SHOC1: variants seen among roughly 807,000 people sequenced by gnomAD.
SHOC1 encodes the protein protein shortage in chiasmata 1 ortholog.
A neutral mutation model predicts 179.2 loss-of-function variants in SHOC1; 136 were observed. That is an observed-to-expected ratio of 0.76 (90% CI 0.66 to 0.87). SHOC1 has a LOEUF of 0.87. SHOC1 is among the 40% of genes least tolerant of loss of function. The pLI, the probability that SHOC1 is intolerant of heterozygous loss-of-function variation, is 0.00. For missense variants in SHOC1, 1,538 were observed against 1,700.8 expected, an observed-to-expected ratio of 0.90 and a Z score of 1.68; for synonymous variants, 489 against 586.6, an observed-to-expected ratio of 0.83 and a Z score of 2.41.
intron 4 of SHOC1, 149 bp downstream of exon 4, chr9:111,780,779 TTG>T: frequency 1.9e-6 from 1 of 514,234 alleles, no homozygotes; most frequent in Non-Finnish European, 3.5e-6. Context: ...AACCACTCCT[TTG>T]TGGTTCAAAT....
intron 24 of SHOC1, among the ~76,000 whole-genome samples, chr9:111,699,078 G>A (rs1021067988): frequency 3.3e-5 from 5 of 152,182 alleles, no homozygotes; most frequent in South Asian, 2.1e-4. Context: ...GCTGTATTTC[G>A]GAAATGTAAT....
At chr9:111,689,110 G>C (rs1307291988) in intron 27 of SHOC1, among the ~76,000 whole-genome samples, 2 of 151,988 alleles carry the variant, frequency 1.3e-5, no homozygotes, top group African/African-American at 4.8e-5. Flanking sequence ...GCAGGGTGGG[G>C]TGCAGTAGTT....
intron 5 of SHOC1, among the ~76,000 whole-genome samples, chr9:111,761,936 G>A (rs1454998405): frequency 6.6e-6 from 1 of 152,042 alleles, no homozygotes; most frequent in Non-Finnish European, 1.5e-5. Flanking sequence ...GGCATAAACA[G>A]GGCATTCTCA....
intron 6 of SHOC1, 48 bp downstream of exon 6, chr9:111,758,647 T>C (rs1834988998): frequency 6.7e-7 from 1 of 1,492,520 alleles, no homozygotes. Flanking sequence ...TACTAAAACA[T>C]TTTCACCTCT....
chr9:111,742,763 A>G (rs1834101934), intron 10 of SHOC1, among the ~76,000 whole-genome samples: 1 of 152,204 alleles, frequency 6.6e-6, no homozygotes, highest in South Asian at 2.1e-4. Flanking sequence ...CATCCAGTTT[A>G]CCCACATAAT....
At chr9:111,698,934 C>CAAATCAA (rs1313540228) in intron 24 of SHOC1, among the ~76,000 whole-genome samples, 3 of 152,160 alleles carry the variant, frequency 2.0e-5, no homozygotes, top group Admixed American at 2.0e-4. Context: ...GCAAGAAATT[C>CAAATCAA]AAATCAACAG....
At position 111,694,266 on chromosome 9, in the gene SHOC1, A is replaced by G. The variant is rs1199868797; in HGVS notation, c.3280T>C (p.Leu1094=). The change falls in exon 25 of 28, where the codon TTG becomes CTG. Residue 1094 remains leucine (L), a synonymous_variant. Transcript: ENST00000682961. ...MTSKRDPHEW[L]DKSWLKVSPS... is the part of the protein sequence containing the mutation. ...GAAACTTTAAGCCAGGATTTATCCA[A>G]CCATTCATGAGGATCTCTCTTTGAG... The G allele has an allele frequency of 1.2e-6, 2 of 1,611,114 alleles. No individual in the cohort carries two copies. Among genetic ancestry groups the G allele is most frequent in the African/African-American group, 2.7e-5 (2 of 74,876 alleles).
chr9:111,694,045 A>AG (rs60941649), intron 25 of SHOC1, 97 bp from the exon 26 acceptor site: 636 of 1,226,698 alleles, frequency 5.2e-4, no homozygotes, highest in Non-Finnish European at 6.6e-4. Context: ...AAAGAGTTTA[A>AG]TAGTCAGTAG....
rs771860306 is a variant in SHOC1 at position 111,692,176 on chromosome 9, A to G, written c.3801T>C (p.Asn1267=). The change falls in exon 27 of 28, where the codon AAT becomes AAC. Residue 1267 remains asparagine (N), a synonymous_variant. Coordinates refer to ENST00000682961, the MANE Select transcript of SHOC1 (RefSeq NM_001378211.1). ...ATTCTATATTAATTAGAAAAGGAGT[A>G]TTCTGCCCTATATTAGATTTACAGC... ...DSSCKSNIGQ[N]TPFLINIESR... 6.2e-7 allele frequency: 1 copy of G among 1,613,810 alleles called. No individual in the cohort carries two copies. Among genetic ancestry groups the G allele is most frequent in the South Asian group, 1.1e-5 (1 of 91,062 alleles).
At chr9:111,792,311 G>A (rs549399643) in intron 1 of SHOC1, among the ~76,000 whole-genome samples, 1 of 152,298 alleles carries the variant, frequency 6.6e-6, no homozygotes, top group African/African-American at 2.4e-5. Flanking sequence ...GGCCAGGCAT[G>A]TTGGCTCACA....
In SHOC1 at chr9:111,693,946, T is replaced by C. The variant is rs1831566771; in HGVS notation, c.3318A>G (p.Glu1106=). ...ATGGAAAATCAAGTAAGTACATTTC[T>C]TCCTAGAAAAGAGTTTAAGAAATAA... ...KSWLKVSPSE[E]EMYLLDFPCI... The change falls in exon 26 of 28, where the codon GAA becomes GAG. Residue 1106 remains glutamate (E), a splice_region_variant and synonymous_variant. Coordinates refer to ENST00000682961, the MANE Select transcript of SHOC1 (RefSeq NM_001378211.1). The C allele has an allele frequency of 6.2e-7, 1 of 1,606,124 alleles. No homozygotes were observed. Among genetic ancestry groups the C allele is most frequent in the Non-Finnish European group, 8.5e-7 (1 of 1,175,844 alleles).
rs1264960248 is a variant in SHOC1 at position 111,706,705 on chromosome 9, G to T, written c.2600C>A (p.Ala867Glu). The change falls in exon 20 of 28, where the codon GCA becomes GAA. Residue 867 changes from alanine to glutamate, a missense_variant. Coordinates refer to ENST00000682961, the MANE Select transcript of SHOC1 (RefSeq NM_001378211.1). The part of the protein sequence containing the change: ...CVVVHNQYIG[A>E]DFPWSNFSFV... ...TGAGAAATTACTCCAGGGGAAATCT[G>T]CTCCAATATATTGATTATGTACAAC... 5.0e-6 allele frequency: 8 copies of T among 1,607,356 alleles called. No homozygotes were observed. The highest frequency in any genetic ancestry group is 6.8e-6 in the Non-Finnish European group (8 of 1,176,698).
At chr9:111,776,106 C>A in intron 4 of SHOC1, 131 bp from the exon 5 acceptor site, 1 of 655,464 alleles carries the variant, frequency 1.5e-6, no homozygotes, top group Non-Finnish European at 2.5e-6. Context: ...ATCTATATTC[C>A]CATCATTCAA....
intron 10 of SHOC1, among the ~76,000 whole-genome samples, chr9:111,743,580 T>G (rs2131508975): frequency 6.6e-6 from 1 of 152,340 alleles, no homozygotes; most frequent in East Asian, 1.9e-4. Context: ...AAGTAACCCC[T>G]TCTGTATTTA....
intron 24 of SHOC1, among the ~76,000 whole-genome samples, chr9:111,698,106 G>T (rs1831790023): frequency 6.6e-6 from 1 of 152,012 alleles, no homozygotes; most frequent in Non-Finnish European, 1.5e-5. Flanking sequence ...TTGTCAGATG[G>T]GTAGATTGTA....
intron 6 of SHOC1, 29 bp from the exon 7 acceptor site, chr9:111,758,224 T>C (rs1434777752): frequency 4.0e-6 from 5 of 1,262,730 alleles, no homozygotes; most frequent in African/African-American, 1.5e-5. Flanking sequence ...AATTAGTGTT[T>C]ACTAAAAGCA....
In SHOC1 at chr9:111,727,861, G is replaced by C; in HGVS notation, c.1606C>G (p.Pro536Ala). ...TTCTTTTGGATTATTCTGTTTACTGGTTCTTGGTCATTCTTTGGTTTTTCT... is the reference window on the plus strand; with the variant it reads ...TTCTTTTGGATTATTCTGTTTACTGCTTCTTGGTCATTCTTTGGTTTTTCT... The part of the protein sequence containing the change: ...KEEKPKNDQE[P>A]VNRIIQKKEN... The change falls in exon 13 of 28, where the codon CCA becomes GCA. Residue 536 changes from proline to alanine, a missense_variant. Pro to Ala is a conservative substitution (Grantham distance 27). Transcript: ENST00000682961. The C allele has an allele frequency of 2.5e-6, 4 of 1,612,804 alleles. No individual in the cohort carries two copies. Among genetic ancestry groups the C allele is most frequent in the Non-Finnish European group, 3.4e-6 (4 of 1,179,506 alleles).
chr9:111,783,200 A>C (rs1836137795), intron 3 of SHOC1, among the ~76,000 whole-genome samples: 4 of 152,116 alleles, frequency 2.6e-5, no homozygotes. Context: ...TCATTTAAAA[A>C]TTTTTCTTCA....
intron 11 of SHOC1, among the ~76,000 whole-genome samples, chr9:111,739,698 G>A (rs1833951788): frequency 1.3e-5 from 2 of 151,906 alleles, no homozygotes; most frequent in African/African-American, 4.8e-5. Context: ...AATACAAGAC[G>A]TCTTGTTCCC....
Sources: allele counts gnomAD v4.1 joint callset (sites outside exome capture counted in the v4.1 genomes callset), GRCh38; gene constraint gnomAD v4.1.1; transcripts MANE v1.5; gene names NCBI Gene and HGNC (gene_info 2026-07-23, HGNC 2026-07-21).